Variants in SAMD12 observed in about 807,000 individuals in gnomAD.
SAMD12 encodes sterile alpha motif domain containing 12.
Under a neutral mutation model 15.0 loss-of-function variants are expected in SAMD12, and 9 were observed. The ratio of observed to expected loss-of-function variants is 0.60; its 90% CI spans 0.36 to 1.05. The LOEUF (loss-of-function observed/expected upper bound fraction) is 1.05. Among genes scored for constraint, SAMD12 ranks in the 50% least tolerant of loss-of-function variants. The pLI is 0.01. For synonymous variants in SAMD12, 86 were observed against 90.1 expected, an observed-to-expected ratio of 0.96 and a Z score of 0.25; for missense variants, 230 against 234.2, an observed-to-expected ratio of 0.98 and a Z score of 0.12.
intron 2 of SAMD12, among the ~76,000 whole-genome samples, chr8:118,514,836 G>A (rs185670900): frequency 6.6e-6 from 1 of 152,206 alleles, no homozygotes; most frequent in Non-Finnish European, 1.5e-5. Flanking sequence ...GGACGGGTTA[G>A]TTGCTGACAT....
chr8:118,173,786 C>T, the SAMD12 span, among the ~76,000 whole-genome samples: 100 of 151,842 alleles, frequency 6.6e-4, no homozygotes, highest in African/African-American at 2.2e-3. Flanking sequence ...CGTGCCACCA[C>T]ACCTGGCTAA....
At chr8:118,447,525 G>C (rs1230675072) in intron 2 of SAMD12, among the ~76,000 whole-genome samples, 4 of 151,868 alleles carry the variant, frequency 2.6e-5, no homozygotes, top group East Asian at 1.9e-4. Context: ...GGTTGGTCTC[G>C]AACTCCTGAC....
chr8:118,564,685 A>G (rs1419661954), intron 2 of SAMD12, among the ~76,000 whole-genome samples: 7 of 152,220 alleles, frequency 4.6e-5, no homozygotes. Flanking sequence ...AAGAGTATGC[A>G]GCATTGCAGT....
chr8:118,615,766 G>A (rs113308728), intron 1 of SAMD12, among the ~76,000 whole-genome samples: 192 of 152,280 alleles, frequency 1.3e-3, no homozygotes, highest in African/African-American at 4.3e-3. Context: ...TCATTCAGGC[G>A]TGAGAAAACA....
chr8:118,428,116 G>A (rs1822288895), intron 3 of SAMD12, among the ~76,000 whole-genome samples: 1 of 151,996 alleles, frequency 6.6e-6, no homozygotes, highest in African/African-American at 2.4e-5. Context: ...CCATATTATT[G>A]GGTTGTCTTC....
At chr8:118,419,454 T>C (rs1320741959) in intron 3 of SAMD12, among the ~76,000 whole-genome samples, 3 of 152,210 alleles carry the variant, frequency 2.0e-5, no homozygotes, top group African/African-American at 7.2e-5. Flanking sequence ...TAACAAAACC[T>C]GTAAGATTCT....
intron 2 of SAMD12, among the ~76,000 whole-genome samples, chr8:118,533,748 G>T (rs1825756056): frequency 6.6e-6 from 1 of 151,924 alleles, no homozygotes; most frequent in African/African-American, 2.4e-5. Flanking sequence ...TTTTATCAGA[G>T]ACTAGAATTG....
chr8:118,533,901 G>C (rs1825760614), intron 2 of SAMD12, among the ~76,000 whole-genome samples: 1 of 151,932 alleles, frequency 6.6e-6, no homozygotes, highest in South Asian at 2.1e-4. Context: ...TATCCAATTT[G>C]CCAGTCTGTG....
At chr8:118,287,257 T>G (rs545231519) in intron 4 of SAMD12, among the ~76,000 whole-genome samples, 1 of 151,394 alleles carries the variant, frequency 6.6e-6, no homozygotes, top group Non-Finnish European at 1.5e-5. Context: ...TCCGAGTAGC[T>G]GGGACTACAG....
At chr8:118,180,909 A>C in the SAMD12 span, among the ~76,000 whole-genome samples, 1 of 152,166 alleles carries the variant, frequency 6.6e-6, no homozygotes, top group African/African-American at 2.4e-5. Flanking sequence ...CAGGTTTTCC[A>C]GATTCTAGAG....
At chr8:118,509,368 T>C (rs749623501) in intron 2 of SAMD12, among the ~76,000 whole-genome samples, 10 of 152,142 alleles carry the variant, frequency 6.6e-5, no homozygotes, top group Non-Finnish European at 1.3e-4. Flanking sequence ...AAGGTACAGG[T>C]GGGCCAGGAA....
intron 2 of SAMD12, among the ~76,000 whole-genome samples, chr8:118,554,721 C>A (rs932987405): frequency 9.9e-5 from 15 of 151,858 alleles, no homozygotes; most frequent in Non-Finnish European, 4.4e-5. Context: ...AACCAATTGA[C>A]TTTAAAGCAG....
intron 2 of SAMD12, among the ~76,000 whole-genome samples, chr8:118,557,849 C>T (rs888902453): frequency 3.3e-5 from 5 of 152,050 alleles, no homozygotes; most frequent in African/African-American, 4.8e-5. Flanking sequence ...TATATACACT[C>T]ATATTTTCTA....
intron 1 of SAMD12, among the ~76,000 whole-genome samples, chr8:118,596,979 G>A (rs568506826): frequency 2.0e-5 from 3 of 152,276 alleles, no homozygotes; most frequent in Admixed American, 2.0e-4. Flanking sequence ...AAGCTTTACT[G>A]AGAGTGTGCA....
chr8:118,525,300 C>T (rs1261526435), intron 2 of SAMD12, among the ~76,000 whole-genome samples: 8 of 152,154 alleles, frequency 5.3e-5, no homozygotes, highest in African/African-American at 1.9e-4. Context: ...TCCCTGGGGA[C>T]TCTATATCAT....
At chr8:118,274,770 G>T (rs1813435315) in intron 4 of SAMD12, among the ~76,000 whole-genome samples, 1 of 152,086 alleles carries the variant, frequency 6.6e-6, no homozygotes, top group African/African-American at 2.4e-5. Context: ...CATCCATGTG[G>T]ACAAACACAT....
intron 1 of SAMD12, among the ~76,000 whole-genome samples, chr8:118,588,329 A>G (rs1235462234): frequency 2.0e-5 from 3 of 152,204 alleles, no homozygotes; most frequent in African/African-American, 4.8e-5. Context: ...CTCCTTGGGC[A>G]AAGGAAACTG....
chr8:118,365,047 T>C (rs541691038), intron 4 of SAMD12, among the ~76,000 whole-genome samples: 141 of 152,306 alleles, frequency 9.3e-4, no homozygotes, highest in African/African-American at 3.3e-3. Context: ...CCTTCTGTAG[T>C]TGCCACTGTC....
Position 118,483,856 on chromosome 8 carries a change from G to C in SAMD12, c.193-43895C>G, listed in dbSNP as rs575408379. On this transcript the variant is annotated intron_variant, in intron 2 of 3. Coordinates refer to ENST00000314727, the MANE Select transcript of SAMD12 (RefSeq NM_207506.3). ...TGACAAGAAAACCAAGGTTCAGAGA[G>C]ATTAACCTGCAGAAGGTCACCCAGA... Among the ~76,000 whole-genome samples the C allele has an allele frequency of 1.8e-4, 28 of 152,232 alleles. 1 individual carries two copies. The highest frequency in any genetic ancestry group is 6.7e-4 in the African/African-American group (28 of 41,530).
Sources: allele counts gnomAD v4.1 joint callset (sites outside exome capture counted in the v4.1 genomes callset), GRCh38; gene constraint gnomAD v4.1.1; transcripts MANE v1.5; gene names NCBI Gene and HGNC (gene_info 2026-07-23, HGNC 2026-07-21).